The following SMOC2 variants were observed in gnomAD, a reference collection of about 807,000 sequenced individuals.
SMOC2 encodes SPARC-related modular calcium-binding protein 2.
A neutral mutation model predicts 61.4 loss-of-function variants in SMOC2; 39 were observed. That is an observed-to-expected ratio of 0.64 (90% CI 0.49 to 0.83). The LOEUF is 0.83. Ranked by LOEUF, SMOC2 falls within the 40% of genes least tolerant of loss-of-function variation. The pLI is 0.00. For synonymous variants in SMOC2, 247 were observed against 239.9 expected, an observed-to-expected ratio of 1.03 and a Z score of -0.27; for missense variants, 556 against 592.9, an observed-to-expected ratio of 0.94 and a Z score of 0.65.
At chr6:168,665,519 G>T (rs551946861) in intron 12 of SMOC2, among the ~76,000 whole-genome samples, 1 of 152,244 alleles carries the variant, frequency 6.6e-6, no homozygotes, top group Non-Finnish European at 1.5e-5. Context: ...AAGGGATCAC[G>T]GGAAGGTGCA....
intron 7 of SMOC2, among the ~76,000 whole-genome samples, chr6:168,597,361 A>G (rs1785359816): frequency 6.6e-6 from 1 of 152,240 alleles, no homozygotes; most frequent in African/African-American, 2.4e-5. Context: ...ATTATTTATT[A>G]TCTCAAAAGA....
At chr6:168,538,470 G>T (rs1477042394) in intron 4 of SMOC2, among the ~76,000 whole-genome samples, 5 of 109,392 alleles carry the variant, frequency 4.6e-5, no homozygotes, top group South Asian at 3.9e-4. Context: ...TGGAATGTGG[G>T]GGAGTGCGGT....
intron 2 of SMOC2, among the ~76,000 whole-genome samples, chr6:168,518,147 G>T (rs888091130): frequency 6.6e-6 from 1 of 152,158 alleles, no homozygotes; most frequent in African/African-American, 2.4e-5. Flanking sequence ...GAGTCGCGAC[G>T]TCCCCATGAG....
rs1781394649 is a variant in SMOC2 at position 168,448,783 on chromosome 6, C to T, written c.84+7329C>T. ...AAAGTACTAATTAACATATTCGTAGCACTTTGAGCAAGGATGGAAACGTGT... is the reference window on the plus strand; with the variant it reads ...AAAGTACTAATTAACATATTCGTAGTACTTTGAGCAAGGATGGAAACGTGT... On this transcript the variant is annotated intron_variant, in intron 1 of 12. Transcript: ENST00000356284. Among the ~76,000 whole-genome samples the T allele has an allele frequency of 3.3e-5, 5 of 152,176 alleles. 1 individual carries two copies. In the South Asian group the frequency reaches 1.0e-3, roughly 32 times the overall value.
intron 1 of SMOC2, among the ~76,000 whole-genome samples, chr6:168,448,047 C>G (rs1781369895): frequency 6.6e-6 from 1 of 152,128 alleles, no homozygotes; most frequent in South Asian, 2.1e-4. Context: ...AGGGTTGTCC[C>G]ATGTATCAGC....
chr6:168,534,740 T>C (rs2115086655), intron 4 of SMOC2, among the ~76,000 whole-genome samples: 1 of 152,344 alleles, frequency 6.6e-6, no homozygotes, highest in East Asian at 1.9e-4. Context: ...TTAGTGTACA[T>C]TTAATTTGGC....
chr6:168,580,145 T>G (rs1166615684), intron 7 of SMOC2, among the ~76,000 whole-genome samples: 1 of 152,204 alleles, frequency 6.6e-6, no homozygotes, highest in Non-Finnish European at 1.5e-5. Flanking sequence ...AGAATGGAAA[T>G]TAACTTACAG....
chr6:168,629,369 T>TC (rs1448162699), intron 9 of SMOC2, among the ~76,000 whole-genome samples: 1 of 152,204 alleles, frequency 6.6e-6, no homozygotes, highest in African/African-American at 2.4e-5. Context: ...ATCGACCTCT[T>TC]CCAACAGGCC....
chr6:168,578,219 G>A (rs969862618), intron 7 of SMOC2, among the ~76,000 whole-genome samples: 2 of 152,170 alleles, frequency 1.3e-5, no homozygotes, highest in African/African-American at 2.4e-5. Context: ...TTCTCCCCTC[G>A]TCTGTGAAGT....
At chr6:168,624,031 C>T (rs1436346460) in intron 9 of SMOC2, among the ~76,000 whole-genome samples, 5 of 152,186 alleles carry the variant, frequency 3.3e-5, no homozygotes, top group East Asian at 3.9e-4. Context: ...AGTGGCTGCA[C>T]GGATGCACAG....
At chr6:168,569,004 C>G (rs1349086690) in intron 7 of SMOC2, among the ~76,000 whole-genome samples, 2 of 152,188 alleles carry the variant, frequency 1.3e-5, no homozygotes, top group African/African-American at 4.8e-5. Context: ...AATAAAGCTG[C>G]TAGAAACACT....
At chr6:168,659,020 T>A (rs112795637) in intron 11 of SMOC2, among the ~76,000 whole-genome samples, 2,855 of 143,204 alleles carry the variant, frequency 0.02, 106 homozygotes, top group African/African-American at 0.069. Context: ...TTATGGTGTG[T>A]GGGGGTGTGG....
chr6:168,447,206 A>G (rs1300916624), intron 1 of SMOC2, among the ~76,000 whole-genome samples: 2 of 151,624 alleles, frequency 1.3e-5, no homozygotes, highest in Non-Finnish European at 2.9e-5. Flanking sequence ...AGCTGGGACT[A>G]TAGGCACACG....
chr6:168,586,974 T>A (rs1785061037), intron 7 of SMOC2, among the ~76,000 whole-genome samples: 2 of 152,238 alleles, frequency 1.3e-5, no homozygotes, highest in Non-Finnish European at 1.5e-5. Context: ...ATGCTCTTTA[T>A]CAGACAGAGA....
intron 7 of SMOC2, among the ~76,000 whole-genome samples, chr6:168,587,905 G>A (rs183380025): frequency 1.1e-3 from 172 of 151,360 alleles, no homozygotes; most frequent in African/African-American, 3.8e-3. Flanking sequence ...TTGGGCTGCC[G>A]TAACAAAATC....
At chr6:168,451,113 A>G (rs1303703274) in intron 1 of SMOC2, among the ~76,000 whole-genome samples, 1 of 152,152 alleles carries the variant, frequency 6.6e-6, no homozygotes, top group Non-Finnish European at 1.5e-5. Context: ...CATTTGCTGC[A>G]CTGATTTATT....
intron 1 of SMOC2, among the ~76,000 whole-genome samples, chr6:168,467,149 A>G (rs1406622228): frequency 7.3e-6 from 1 of 136,298 alleles, no homozygotes; most frequent in Non-Finnish European, 1.5e-5. Flanking sequence ...ACACACACAC[A>G]CACACACACA....
intron 4 of SMOC2, among the ~76,000 whole-genome samples, chr6:168,531,634 A>C (rs571167029): frequency 6.6e-6 from 1 of 152,326 alleles, no homozygotes. Context: ...CGGGCTGGGC[A>C]TTGCGGCCCC....
intron 4 of SMOC2, among the ~76,000 whole-genome samples, chr6:168,532,925 A>T (rs1431624851): frequency 6.6e-6 from 1 of 152,184 alleles, no homozygotes; most frequent in Non-Finnish European, 1.5e-5. Flanking sequence ...TCTGGCGTAG[A>T]AGGAGTCCTT....
Sources: allele counts gnomAD v4.1 joint callset (sites outside exome capture counted in the v4.1 genomes callset), GRCh38; gene constraint gnomAD v4.1.1; transcripts MANE v1.5; gene names NCBI Gene and HGNC (gene_info 2026-07-23, HGNC 2026-07-21).